The following BDKRB2 variants were observed in gnomAD, a reference collection of about 807,000 sequenced individuals.
BDKRB2 encodes bradykinin receptor B2, also known as B2 bradykinin receptor.
Under a neutral mutation model 4.0 loss-of-function variants are expected in BDKRB2, and 6 were observed. The observed-to-expected ratio is 1.49, with a 90% CI of 0.81 to 2.93. The LOEUF is 2.93. Among genes scored for constraint, BDKRB2 ranks in the 30% most tolerant of loss-of-function variants. The pLI, the probability that BDKRB2 is intolerant of heterozygous loss-of-function variation, is 0.00. For missense variants in BDKRB2, 478 were observed against 520.1 expected (o/e 0.92, Z 0.79); for synonymous variants, 225 against 215.3 (o/e 1.05, Z -0.40).
intron 1 of BDKRB2, among the ~76,000 whole-genome samples, chr14:96,217,273 G>GCAGT (rs1164782969): frequency 6.6e-6 from 1 of 152,254 alleles, no homozygotes; most frequent in African/African-American, 2.4e-5. Context: ...CACTGACACT[G>GCAGT]CAGTATGTAT....
intron 1 of BDKRB2, among the ~76,000 whole-genome samples, chr14:96,219,708 C>T (rs1484347659): frequency 6.6e-6 from 1 of 152,040 alleles, no homozygotes; most frequent in Non-Finnish European, 1.5e-5. Flanking sequence ...TAGGCCAGGC[C>T]CAGTGCTAAG....
chr14:96,240,265 G>A lies in BDKRB2; in HGVS notation c.75-138G>A, dbSNP rs532423161. Reference sequence around the variant, plus strand: ...AGTCAGGTGCACTGGAGCGCGGGCTGCAGAAAACAGCCTGAGCTCCACCTC... The same window carrying A: ...AGTCAGGTGCACTGGAGCGCGGGCTACAGAAAACAGCCTGAGCTCCACCTC... On this transcript the variant is annotated intron_variant, in intron 2 of 2. Transcript: ENST00000554311. 3.2e-5 allele frequency: 43 copies of A among 1,336,084 alleles called. No homozygotes were observed. In the African/African-American group the frequency reaches 5.9e-4, roughly 18 times the overall value. The allele number at this position is 1,336,084 out of a possible 1,614,324, so 82.8% of individuals were successfully genotyped here. A position where few individuals can be genotyped will look rare whatever the true frequency, so the allele number is the denominator to read the frequency against.
intron 1 of BDKRB2, among the ~76,000 whole-genome samples, chr14:96,218,559 C>G (rs1048322805): frequency 2.0e-5 from 3 of 152,154 alleles, no homozygotes; most frequent in Non-Finnish European, 2.9e-5. Flanking sequence ...GAGCTGCATC[C>G]CAGGCCCTGC....
At chr14:96,211,538 G>A (rs1890302689) in intron 1 of BDKRB2, among the ~76,000 whole-genome samples, 1 of 152,234 alleles carries the variant, frequency 6.6e-6, no homozygotes, top group South Asian at 2.1e-4. Flanking sequence ...TGCAGATGAG[G>A]GATCTGTGCT....
intron 1 of BDKRB2, among the ~76,000 whole-genome samples, chr14:96,206,757 T>TG (rs1481677111): frequency 2.0e-5 from 3 of 151,896 alleles, no homozygotes; most frequent in Non-Finnish European, 4.4e-5. Flanking sequence ...CTGGGCGCGG[T>TG]GGGGGGAGCC....
intron 1 of BDKRB2, among the ~76,000 whole-genome samples, chr14:96,209,815 G>A (rs890975560): frequency 6.6e-6 from 1 of 152,100 alleles, no homozygotes; most frequent in African/African-American, 2.4e-5. Flanking sequence ...GTCCAACATG[G>A]TGAAACCCTG....
At chr14:96,221,227 T>C (rs956084346) in intron 1 of BDKRB2, among the ~76,000 whole-genome samples, 3 of 152,170 alleles carry the variant, frequency 2.0e-5, no homozygotes, top group African/African-American at 7.2e-5. Context: ...TTGGCATTCA[T>C]AGTAAGCCTC....
intron 1 of BDKRB2, among the ~76,000 whole-genome samples, chr14:96,234,895 C>T (rs780456646): frequency 3.9e-5 from 6 of 152,266 alleles, no homozygotes; most frequent in East Asian, 1.9e-4. Flanking sequence ...CGGTCACTGT[C>T]GTGTAGAAAT....
intron 1 of BDKRB2, among the ~76,000 whole-genome samples, chr14:96,215,825 C>T (rs1044286268): frequency 2.0e-5 from 3 of 152,214 alleles, no homozygotes; most frequent in African/African-American, 7.2e-5. Context: ...AATAATCAAT[C>T]CCTTCTTACA....
At chr14:96,209,252 A>G (rs1890251915) in intron 1 of BDKRB2, among the ~76,000 whole-genome samples, 1 of 152,212 alleles carries the variant, frequency 6.6e-6, no homozygotes, top group Admixed American at 6.5e-5. Context: ...GATAAACTTC[A>G]ATTGACATTT....
At chr14:96,214,812 A>G (rs559037696) in intron 1 of BDKRB2, 1 of 152,316 alleles carries the variant, frequency 6.6e-6, no homozygotes, top group African/African-American at 2.4e-5. Flanking sequence ...AAAAGAGAAA[A>G]AGAAAATACT....
At chr14:96,239,086 G>A (rs184192835) in intron 2 of BDKRB2, 13 of 985,430 alleles carry the variant, frequency 1.3e-5, no homozygotes, top group African/African-American at 5.2e-5. Context: ...CCCGTGACTC[G>A]TAGTTCAGCT....
chr14:96,223,060 G>C (rs1682273414), intron 1 of BDKRB2: 3 of 793,588 alleles, frequency 3.8e-6, no homozygotes, highest in Admixed American at 2.0e-5. Context: ...GTTGGGAGTT[G>C]CTTGGAGGTT....
intron 1 of BDKRB2, among the ~76,000 whole-genome samples, chr14:96,227,645 ACACAAACACACATGTG>A (rs971665806): frequency 1.1e-4 from 17 of 152,064 alleles, no homozygotes; most frequent in African/African-American, 3.9e-4. Flanking sequence ...ACACACACCA[ACACAAACACACATGTG>A]CACAAACACA....
intron 1 of BDKRB2, among the ~76,000 whole-genome samples, chr14:96,213,513 C>T (rs1371561567): frequency 1.3e-5 from 2 of 151,786 alleles, no homozygotes; most frequent in Non-Finnish European, 2.9e-5. Context: ...CACACACACA[C>T]ACACACACAC....
At chr14:96,206,857 C>A (rs771105745) in intron 1 of BDKRB2, among the ~76,000 whole-genome samples, 1 of 152,138 alleles carries the variant, frequency 6.6e-6, no homozygotes, top group African/African-American at 2.4e-5. Flanking sequence ...ACATTTATTG[C>A]TCTCGGTGCT....
chr14:96,207,628 A>G (rs1890218484), intron 1 of BDKRB2, among the ~76,000 whole-genome samples: 1 of 152,180 alleles, frequency 6.6e-6, no homozygotes, highest in Admixed American at 6.5e-5. Flanking sequence ...TGATGTGTCA[A>G]CGCAGGTTCA....
Position 96,241,274 on chromosome 14 carries a change from A to T in BDKRB2, c.946A>T (p.Ile316Phe). The T allele has an allele frequency of 6.2e-7, 1 of 1,614,036 alleles. No individual in the cohort carries two copies. Among genetic ancestry groups the T allele is most frequent in the Non-Finnish European group, 8.5e-7 (1 of 1,179,938 alleles). Residue 316 changes from isoleucine to phenylalanine, a missense_variant, in exon 3 of 3, where the codon ATC (isoleucine) becomes TTC (phenylalanine). Ile to Phe is a conservative substitution (Grantham distance 21, BLOSUM62 0). Coordinates refer to ENST00000554311, the MANE Select transcript of BDKRB2 (RefSeq NM_001379692.1). ...GCGCATCATCGATGTAATCACACAG[A>T]TCGCCTCCTTCATGGCCTACAGCAA... Reference protein sequence around the residue: ...DERIIDVITQIASFMAYSNSC... With the variant: ...DERIIDVITQFASFMAYSNSC...
chr14:96,222,915 T>A (rs1045449371), intron 1 of BDKRB2, among the ~76,000 whole-genome samples: 35 of 152,098 alleles, frequency 2.3e-4, no homozygotes, highest in African/African-American at 7.0e-4. Context: ...ACTAGAAAAT[T>A]TGAAGTTACT....
Sources: allele counts gnomAD v4.1 joint callset (sites outside exome capture counted in the v4.1 genomes callset), GRCh38; gene constraint gnomAD v4.1.1; transcripts MANE v1.5; gene names NCBI Gene and HGNC (gene_info 2026-07-23, HGNC 2026-07-21).